Variants in CFAP57 observed in about 807,000 individuals in gnomAD.
CFAP57 encodes cilia- and flagella-associated protein 57.
In CFAP57, 116 loss-of-function variants were observed where a neutral mutation model predicts 146.8. The observed-to-expected ratio is 0.79, with a 90% confidence interval of 0.68 to 0.92. The LOEUF (loss-of-function observed/expected upper bound fraction) is 0.92. Among genes scored for constraint, CFAP57 ranks in the 40% least tolerant of loss-of-function variants. The pLI is 0.00. For synonymous variants in CFAP57, 518 were observed against 552.8 expected, an observed-to-expected ratio of 0.94 and a Z score of 0.88; for missense variants, 1,377 against 1,527.2, an observed-to-expected ratio of 0.90 and a Z score of 1.64.
At chr1:43,186,628 A>G (rs1035905875) in intron 5 of CFAP57, 79 bp from the exon 6 acceptor site, 35 of 1,278,080 alleles carry the variant, frequency 2.7e-5, no homozygotes, top group Non-Finnish European at 3.6e-5. Flanking sequence ...AAAAAAAAAA[A>G]AAAAAGAAAA....
intron 5 of CFAP57, among the ~76,000 whole-genome samples, chr1:43,185,753 A>T (rs894616276): frequency 6.6e-6 from 1 of 151,540 alleles, no homozygotes; most frequent in Non-Finnish European, 1.5e-5. Context: ...CCCCGTCTGT[A>T]CTAAAAATAC....
chr1:43,219,885 GGAA>G (rs1317706165), intron 13 of CFAP57, among the ~76,000 whole-genome samples: 4 of 152,174 alleles, frequency 2.6e-5, no homozygotes, highest in Admixed American at 1.3e-4. Context: ...TCTGAACCTG[GGAA>G]GTGGAGGTTG....
At position 43,198,607 on chromosome 1, in the gene CFAP57, A is replaced by T. The variant is rs1404072106; in HGVS notation, c.1389A>T (p.Ile463=). The T allele has an allele frequency of 6.2e-7, 1 of 1,613,938 alleles. No individual in the cohort carries two copies. The highest frequency in any genetic ancestry group is 1.7e-5 in the Admixed American group (1 of 59,990). ...TCATGAATCTACTCATTGATGATATACGTTCTTTCAAAGAATACTCTGTTA... is the reference window on the plus strand; with the variant it reads ...TCATGAATCTACTCATTGATGATATTCGTTCTTTCAAAGAATACTCTGTTA... ...LRLMNLLIDD[I]RSFKEYSVRG... The change falls in exon 8 of 23, where the codon ATA becomes ATT. Residue 463 remains isoleucine, a synonymous_variant. Coordinates refer to ENST00000372492, the MANE Select transcript of CFAP57 (RefSeq NM_001378189.1).
chr1:43,235,119 G>A (rs750256006), intron 21 of CFAP57, among the ~76,000 whole-genome samples: 14 of 151,718 alleles, frequency 9.2e-5, no homozygotes, highest in African/African-American at 2.9e-4. Context: ...TCGTGGCCAC[G>A]CCTCATCTGA....
At chr1:43,215,834 C>T (rs1644812953) in intron 12 of CFAP57, among the ~76,000 whole-genome samples, 2 of 152,182 alleles carry the variant, frequency 1.3e-5, no homozygotes, top group East Asian at 1.9e-4. Context: ...GAAGAAGATA[C>T]TGTCATTCTC....
At chr1:43,250,812 A>G (rs1045543447) in intron 22 of CFAP57, among the ~76,000 whole-genome samples, 1 of 152,192 alleles carries the variant, frequency 6.6e-6, no homozygotes, top group Admixed American at 6.5e-5. Flanking sequence ...ACAACACACA[A>G]TTACAAACAA....
intron 21 of CFAP57, among the ~76,000 whole-genome samples, chr1:43,236,542 G>A (rs1236523921): frequency 7.8e-6 from 1 of 127,840 alleles, no homozygotes; most frequent in Non-Finnish European, 1.6e-5. Flanking sequence ...AGATTGAATG[G>A]GACAACCACA....
intron 2 of CFAP57, 141 bp from the exon 3 acceptor site, chr1:43,181,393 C>G: frequency 9.9e-7 from 1 of 1,008,220 alleles, no homozygotes; most frequent in Non-Finnish European, 1.5e-6. Context: ...TCATAATACC[C>G]AAACACAGCT....
rs766140759 is a variant in CFAP57 at position 43,209,831 on chromosome 1, T to C, written c.1844T>C (p.Val615Ala). 1 of 1,614,208 alleles carries C rather than the reference T, an allele frequency of 6.2e-7. No individual in the cohort carries two copies. Among genetic ancestry groups the C allele is most frequent in the Non-Finnish European group, 8.5e-7 (1 of 1,180,044 alleles). Residue 615 changes from valine to alanine, a missense_variant, in exon 11 of 23, where the codon GTG becomes GCG. Coordinates refer to ENST00000372492, the MANE Select transcript of CFAP57 (RefSeq NM_001378189.1). ...CGCATGATGTTTGTGGGCACCTCGG[T>C]GGGAACCATTCGTGCCATGAAGTAC... ...SGRMMFVGTSVGTIRAMKYPL... is the reference protein window; with the variant it reads ...SGRMMFVGTSAGTIRAMKYPL...
intron 8 of CFAP57, 84 bp from the exon 9 acceptor site, chr1:43,199,306 T>G: frequency 6.8e-6 from 9 of 1,315,334 alleles, no homozygotes; most frequent in African/African-American, 1.4e-5. Flanking sequence ...TCTGAACTCG[T>G]TGGGAAAAGC....
intron 17 of CFAP57, among the ~76,000 whole-genome samples, chr1:43,226,331 TG>T (rs1225159614): frequency 6.6e-6 from 1 of 152,198 alleles, no homozygotes; most frequent in African/African-American, 2.4e-5. Flanking sequence ...AGCTGGAGGC[TG>T]GAAGATCAAC....
intron 2 of CFAP57, among the ~76,000 whole-genome samples, chr1:43,174,046 G>A (rs1569768409): frequency 6.6e-6 from 1 of 152,248 alleles, no homozygotes; most frequent in East Asian, 1.9e-4. Flanking sequence ...TTCCTATTTA[G>A]TCGTATGTTA....
At chr1:43,191,211 G>T (rs909681963) in intron 6 of CFAP57, among the ~76,000 whole-genome samples, 1 of 152,064 alleles carries the variant, frequency 6.6e-6, no homozygotes, top group African/African-American at 2.4e-5. Context: ...CTAGGAATTT[G>T]TCTATTTGTC....
chr1:43,189,775 G>A (rs1181987661), intron 6 of CFAP57, among the ~76,000 whole-genome samples: 1 of 152,156 alleles, frequency 6.6e-6, no homozygotes, highest in Non-Finnish European at 1.5e-5. Flanking sequence ...AAGGGTTCAG[G>A]AAGCTTACAA....
At chr1:43,224,297 A>C in intron 17 of CFAP57, 93 bp downstream of exon 17, 2 of 1,379,936 alleles carry the variant, frequency 1.4e-6, no homozygotes, top group Non-Finnish European at 1.9e-6. Context: ...CTAGCTTCTC[A>C]GGACGCATTT....
At chr1:43,194,138 A>G (rs1643718219) in intron 6 of CFAP57, among the ~76,000 whole-genome samples, 1 of 152,052 alleles carries the variant, frequency 6.6e-6, no homozygotes, top group African/African-American at 2.4e-5. Context: ...ATTTTCTGTA[A>G]GTCATATCTG....
At chr1:43,175,492 TTTTTA>T (rs375677824) in intron 2 of CFAP57, among the ~76,000 whole-genome samples, 1 of 150,744 alleles carries the variant, frequency 6.6e-6, no homozygotes, top group Admixed American at 6.6e-5. Flanking sequence ...TCCTTCCAGT[TTTTTA>T]TTTTATTTTA....
At chr1:43,181,351 C>T (rs541347951) in intron 2 of CFAP57, among the ~76,000 whole-genome samples, 183 bp from the exon 3 acceptor site, 3 of 152,258 alleles carry the variant, frequency 2.0e-5, no homozygotes, top group Admixed American at 1.3e-4. Context: ...GGATTACAGG[C>T]GTGAGCCACC....
At chr1:43,172,949 T>G (rs371517163) in intron 2 of CFAP57, 39 bp downstream of exon 2, 40 of 1,579,770 alleles carry the variant, frequency 2.5e-5, no homozygotes, top group Non-Finnish European at 3.3e-5. Flanking sequence ...AGGAATGGTA[T>G]GTGCCACATA....
Sources: gnomAD v4.1 joint callset for allele counts (sites outside exome capture counted in the v4.1 genomes callset) on GRCh38, gnomAD v4.1.1 for gene constraint, MANE v1.5 for transcripts, NCBI Gene and HGNC (gene_info 2026-07-23, HGNC 2026-07-21) for gene names.